Variants in STT3A observed in about 807,000 individuals in gnomAD.
STT3A encodes dolichyl-diphosphooligosaccharide--protein glycosyltransferase subunit STT3A.
STT3A carries 34 observed loss-of-function variants against 89.2 expected under a neutral mutation model. The observed-to-expected ratio is 0.38, with a 90% confidence interval of 0.29 to 0.51. The LOEUF (loss-of-function observed/expected upper bound fraction) is 0.51, where lower values mean the gene tolerates loss of function less well. Among genes scored for constraint, STT3A ranks in the 20% least tolerant of loss-of-function variants. The probability of loss-of-function intolerance (pLI) is 0.89; values close to 1 mark genes in which losing one functional copy is unlikely to be tolerated. For missense variants in STT3A, 555 were observed against 889.5 expected (o/e 0.62, Z 4.78); for synonymous variants, 282 against 310.3 (o/e 0.91, Z 0.96).
rs1226044058 is a variant in STT3A, at chr11:125,614,832, A to G, written c.1774+406A>G. Reference sequence around the variant, plus strand: ...TGTAAAAAAAGAGAACATTTTATATATATATAAAATATATATAAATAAAAG... The same window carrying G: ...TGTAAAAAAAGAGAACATTTTATATGTATATAAAATATATATAAATAAAAG... On this transcript the variant is annotated intron_variant, in intron 15 of 17. Transcript: ENST00000392708. This position sits in a 1 kb window ranked among gnomAD's most constrained non-coding sequence, Gnocchi z 4.9. 3.3e-5 allele frequency among the ~76,000 whole-genome samples: 5 copies of G among 151,368 alleles called. No individual in the cohort carries two copies. Among genetic ancestry groups the G allele is most frequent in the African/African-American group, 1.2e-4 (5 of 41,332 alleles).
intron 3 of STT3A, among the ~76,000 whole-genome samples, chr11:125,597,915 T>C (rs1360965436): frequency 6.6e-6 from 1 of 152,138 alleles, no homozygotes; most frequent in African/African-American, 2.4e-5. Flanking sequence ...ATTCCCTTCT[T>C]AGAAATGAGG....
Position 125,614,198 on chromosome 11 carries a change from G to A in STT3A, c.1666G>A (p.Gly556Arg), listed in dbSNP as rs368486088. The A allele has an allele frequency of 6.2e-7, 1 of 1,614,066 alleles. No homozygotes were observed. The highest frequency in any genetic ancestry group is 8.5e-7 in the Non-Finnish European group (1 of 1,179,960). Residue 556 changes from glycine (G) to arginine (R), a missense_variant, in exon 14 of 18, where the codon GGG (glycine) becomes AGG (arginine). Coordinates refer to ENST00000392708, the MANE Select transcript of STT3A (RefSeq NM_152713.5). The surrounding 1 kb of genome is among the most constrained non-coding windows in gnomAD (Gnocchi z 4.9). ...TWNNTHISRV[G>R]QAMASTEEKA... ...GAATAATACCCATATTTCTCGAGTAGGGCAGGTAAGATAAAGGGATGATCT... is the reference window on the plus strand; with the variant it reads ...GAATAATACCCATATTTCTCGAGTAAGGCAGGTAAGATAAAGGGATGATCT...
In STT3A at chr11:125,600,641, G is replaced by A. The variant is rs76244630; in HGVS notation, c.150-1662G>A. Among the ~76,000 whole-genome samples, 934 of 152,172 alleles carry A rather than the reference G, an allele frequency of 6.1e-3. 11 individuals carry two copies. Among genetic ancestry groups the A allele is most frequent in the African/African-American group, 0.021 (862 of 41,526 alleles). On this transcript the variant is annotated intron_variant, in intron 3 of 17. Transcript: ENST00000392708. ...GCCTACTAAAGTATTGGGATTACAGGTGTTATCTACCTCACCCAGCCTTAT... is the reference window on the plus strand; with the variant it reads ...GCCTACTAAAGTATTGGGATTACAGATGTTATCTACCTCACCCAGCCTTAT...
chr11:125,592,781 T>C (rs1038359256), upstream of STT3A: 30 of 227,726 alleles, frequency 1.3e-4, no homozygotes, highest in Non-Finnish European at 2.7e-4. Context: ...CCTATCGCTC[T>C]CCAGAAGCGT....
chr11:125,606,559 G>A (rs1255431926), intron 8 of STT3A, 94 bp downstream of exon 8: 8 of 1,366,930 alleles, frequency 5.9e-6, no homozygotes, highest in East Asian at 2.4e-5. Context: ...AGAAGAGTAC[G>A]ACTTATTCAC....
At chr11:125,607,125 T>C (rs1257667014) in intron 8 of STT3A, among the ~76,000 whole-genome samples, 1 of 152,212 alleles carries the variant, frequency 6.6e-6, no homozygotes, top group Non-Finnish European at 1.5e-5. Context: ...GTTTTTCACT[T>C]ACAGTACGGT....
At chr11:125,600,357 T>C (rs1939635192) in intron 3 of STT3A, among the ~76,000 whole-genome samples, 1 of 151,748 alleles carries the variant, frequency 6.6e-6, no homozygotes, top group East Asian at 1.9e-4. Context: ...GCCTTATTAT[T>C]ATTATTATTT....
chr11:125,617,980 A>G (rs1940228080), intron 15 of STT3A, among the ~76,000 whole-genome samples: 1 of 152,168 alleles, frequency 6.6e-6, no homozygotes, highest in African/African-American at 2.4e-5. Context: ...TCAAAATCTA[A>G]TGTGTATTTC....
chr11:125,611,894 T>G (rs1226436465), intron 11 of STT3A, among the ~76,000 whole-genome samples: 2 of 137,068 alleles, frequency 1.5e-5, no homozygotes, highest in African/African-American at 6.0e-5. Context: ...TTTTTTTTTT[T>G]GAGACAGAGT....
chr11:125,606,403 T>C lies in STT3A; in HGVS notation c.718T>C (p.Tyr240His). ...TTTCTCTCACCGGATCTATGTGGCC[T>C]ACTGTACTGTTTACTGCCTGGGCAC... ...GRFSHRIYVAYCTVYCLGTIL... is the reference protein window; with the variant it reads ...GRFSHRIYVAHCTVYCLGTIL... The change falls in exon 8 of 18, where the codon TAC becomes CAC. Residue 240 changes from tyrosine (Y) to histidine (H), a missense_variant. Transcript: ENST00000392708. 6.2e-7 allele frequency: 1 copy of C among 1,614,242 alleles called. No individual in the cohort carries two copies. The highest frequency in any genetic ancestry group is 8.5e-7 in the Non-Finnish European group (1 of 1,180,038).
In STT3A at chr11:125,611,624, C is replaced by T. The variant is rs926103140; in HGVS notation, c.1209+105C>T. On this transcript the variant is annotated intron_variant, in intron 11 of 17. Transcript: ENST00000392708. ...GTACTGATGATTGTGCACATGCTTC[C>T]CTCTGAGCATTTGAGGGAATGAGTT... The T allele has an allele frequency of 7.8e-6, 8 of 1,023,914 alleles. No individual in the cohort carries two copies. The African/African-American group carries it at 1.1e-4, about 14-fold the overall frequency. 63.4% of individuals were successfully genotyped at this position (1,023,914 alleles called of 1,614,324 possible). A position where few individuals can be genotyped will look rare whatever the true frequency, so the allele number is the denominator to read the frequency against.
intron 10 of STT3A, 143 bp from the exon 11 acceptor site, chr11:125,611,285 A>ATTGTTTTT (rs1168669972): frequency 1.5e-6 from 1 of 654,730 alleles, no homozygotes; most frequent in African/African-American, 1.8e-5. Flanking sequence ...TGTTTCTATG[A>ATTGTTTTT]TTGTTTTTTT....
chr11:125,620,302 T>C (rs2135951158), intron 17 of STT3A, among the ~76,000 whole-genome samples, 176 bp downstream of exon 17: 1 of 152,234 alleles, frequency 6.6e-6, no homozygotes, highest in Non-Finnish European at 1.5e-5. Flanking sequence ...TCTTAGAGAG[T>C]AGATGATCCC....
chr11:125,611,583 T>G (rs547734764), intron 11 of STT3A, 64 bp downstream of exon 11: 2 of 1,454,654 alleles, frequency 1.4e-6, no homozygotes, highest in East Asian at 2.3e-5. Flanking sequence ...TTTATCTGTC[T>G]GGCAGAATTC....
In STT3A at chr11:125,612,799, A is replaced by T. The variant is rs183858237; in HGVS notation, c.1365+52A>T. On this transcript the variant is annotated intron_variant, in intron 12 of 17. Transcript: ENST00000392708. Reference sequence around the variant, plus strand: ...TGGGAAACTCTGTGTGTGTGTGTGTATGTGTGTATGTGGGCAGCGGGGGGT... The same window carrying T: ...TGGGAAACTCTGTGTGTGTGTGTGTTTGTGTGTATGTGGGCAGCGGGGGGT... 10 of 1,568,640 alleles carry T rather than the reference A, an allele frequency of 6.4e-6. No individual in the cohort carries two copies. In the East Asian group the frequency reaches 2.0e-4, roughly 32 times the overall value.
intron 11 of STT3A, 141 bp downstream of exon 11, chr11:125,611,660 G>A: frequency 1.3e-6 from 1 of 748,632 alleles, no homozygotes. Flanking sequence ...GTAAGTTGTT[G>A]ATCCTTTCCA....
chr11:125,606,866 A>G (rs1939855825), intron 8 of STT3A, among the ~76,000 whole-genome samples: 1 of 152,224 alleles, frequency 6.6e-6, no homozygotes. Context: ...ACCTTTAACC[A>G]CATTGCTCCA....
chr11:125,622,526 A>C lies in STT3A; in HGVS notation c.*1716A>C, dbSNP rs1302153614. 1 of 152,200 alleles carries C rather than the reference A, an allele frequency of 6.6e-6. No individual in the cohort carries two copies. The highest frequency in any genetic ancestry group is 1.5e-5 in the Non-Finnish European group (1 of 68,036). 9.4% of individuals were successfully genotyped at this position (152,200 alleles called of 1,614,324 possible). On this transcript the variant is annotated 3_prime_UTR_variant, in exon 18 of 18. Coordinates refer to ENST00000392708, the MANE Select transcript of STT3A (RefSeq NM_152713.5). ...TTAATTTTGTTACTTTCTAGGCTAC[A>C]TGAAGCTATCTTTTTAAAAAGTGTA...
rs1344557860 is a variant in STT3A at position 125,613,007 on chromosome 11, C to G, written c.1384C>G (p.Leu462Val). Residue 462 changes from leucine to valine, a missense_variant, in exon 13 of 18, where the codon CTG becomes GTG. Physicochemically the swap from Leu to Val is conservative, Grantham distance 32. Coordinates refer to ENST00000392708, the MANE Select transcript of STT3A (RefSeq NM_152713.5). This position sits in a 1 kb window ranked among gnomAD's most constrained non-coding sequence, Gnocchi z 4.2. ...IKNEVASGMI[L>V]VMAFFLITYT... ...TGTTTAGGTGGCAAGTGGGATGATA[C>G]TGGTCATGGCTTTCTTTCTCATCAC... is the stretch of plus-strand genomic sequence containing the variant. 6.2e-7 allele frequency: 1 copy of G among 1,614,018 alleles called. No individual in the cohort carries two copies. Among genetic ancestry groups the G allele is most frequent in the Non-Finnish European group, 8.5e-7 (1 of 1,179,978 alleles).
Sources: allele counts gnomAD v4.1 joint callset (sites outside exome capture counted in the v4.1 genomes callset), GRCh38; gene constraint gnomAD v4.1.1; non-coding constraint Gnocchi (gnomAD v3.1); transcripts MANE v1.5; gene names NCBI Gene and HGNC (gene_info 2026-07-23, HGNC 2026-07-21).